The following MBD5 variants were observed in gnomAD, a reference collection of about 807,000 sequenced individuals.
The protein encoded by MBD5 is methyl-CpG-binding domain protein 5.
MBD5 carries 13 observed loss-of-function variants against 117.3 expected under a neutral mutation model. The observed-to-expected ratio is 0.11, with a 90% CI of 0.07 to 0.18. MBD5 has a LOEUF of 0.18. Among genes scored for constraint, MBD5 ranks in the 10% least tolerant of loss-of-function variants. MBD5 has a pLI of 1.00. For missense variants in MBD5, 1,879 were observed against 2,093.8 expected, an observed-to-expected ratio of 0.90 and a Z score of 2.00; for synonymous variants, 727 against 766.4, an observed-to-expected ratio of 0.95 and a Z score of 0.85.
intron 1 of MBD5, among the ~76,000 whole-genome samples, chr2:148,058,861 A>G (rs1426570579): frequency 2.6e-5 from 4 of 152,306 alleles, no homozygotes. Flanking sequence ...CGTATTAAAC[A>G]TGGCATTCCA....
chr2:148,173,258 A>G (rs1193938631), intron 1 of MBD5, among the ~76,000 whole-genome samples: 1 of 151,790 alleles, frequency 6.6e-6, no homozygotes, highest in Non-Finnish European at 1.5e-5. Flanking sequence ...TGGCATCTCC[A>G]AGCTTCCACG....
intron 1 of MBD5, among the ~76,000 whole-genome samples, chr2:148,075,448 GC>G (rs1695485078): frequency 6.6e-6 from 1 of 152,170 alleles, no homozygotes; most frequent in African/African-American, 2.4e-5. Flanking sequence ...AGAAGTCATA[GC>G]ATCAAGTTAT....
chr2:148,382,739 G>A (rs1215324220), intron 4 of MBD5, among the ~76,000 whole-genome samples: 1 of 152,184 alleles, frequency 6.6e-6, no homozygotes, highest in East Asian at 1.9e-4. Context: ...AAAGAACAGA[G>A]ATTATAACAA....
chr2:148,123,133 T>A (rs1022140329), intron 1 of MBD5, among the ~76,000 whole-genome samples: 8 of 152,242 alleles, frequency 5.3e-5, no homozygotes, highest in African/African-American at 1.9e-4. Context: ...TTTAGTCACA[T>A]ATGTGGGCAC....
Position 148,021,238 on chromosome 2 carries a change from C to T in MBD5, c.-1371C>T. On this transcript the variant is annotated 5_prime_UTR_variant, in exon 1 of 14. Coordinates refer to ENST00000642680, the MANE Select transcript of MBD5 (RefSeq NM_001378120.1). ...TGAATTCAGGGGGGTGGGGGGAAGGCGGCTGAGTTCCTTCCCCCACCCTCC... is the reference window on the plus strand; with the variant it reads ...TGAATTCAGGGGGGTGGGGGGAAGGTGGCTGAGTTCCTTCCCCCACCCTCC... 7.6e-6 allele frequency: 2 copies of T among 264,554 alleles called. No homozygotes were observed. The highest frequency in any genetic ancestry group is 3.8e-5 in the South Asian group (1 of 26,282). 16.4% of individuals were successfully genotyped at this position (264,554 alleles called of 1,614,324 possible).
At chr2:148,422,368 A>G (rs900478141) in intron 4 of MBD5, among the ~76,000 whole-genome samples, 1 of 152,204 alleles carries the variant, frequency 6.6e-6, no homozygotes, top group Admixed American at 6.5e-5. Flanking sequence ...AAAACTAACA[A>G]ACAGAAAGGA....
At chr2:148,049,495 G>A (rs1264117599) in intron 1 of MBD5, among the ~76,000 whole-genome samples, 1 of 152,148 alleles carries the variant, frequency 6.6e-6, no homozygotes, top group East Asian at 1.9e-4. Context: ...TGTTTACCTA[G>A]TACTGTAGTA....
chr2:148,417,220 TCAAG>T (rs1375513856), intron 4 of MBD5, among the ~76,000 whole-genome samples: 1 of 151,532 alleles, frequency 6.6e-6, no homozygotes, highest in Non-Finnish European at 1.5e-5. Flanking sequence ...CCTCCCAGGC[TCAAG>T]CAATCCTTTC....
chr2:148,417,288 C>CTTTTTTTTTTTTT (rs745409695), intron 4 of MBD5, among the ~76,000 whole-genome samples: 97 of 91,794 alleles, frequency 1.1e-3, no homozygotes, highest in Non-Finnish European at 1.2e-3. Context: ...ATGCACAGCT[C>CTTTTTTTTTTTTT]TTTTTTTTTT....
intron 2 of MBD5, among the ~76,000 whole-genome samples, chr2:148,222,902 G>T (rs980889762): frequency 6.6e-6 from 1 of 152,052 alleles, no homozygotes; most frequent in African/African-American, 2.4e-5. Flanking sequence ...GATGCTAGCT[G>T]TGAGTCTGTC....
At chr2:148,062,587 G>C (rs1310997408) in intron 1 of MBD5, 2 of 151,528 alleles carry the variant, frequency 1.3e-5, no homozygotes, top group Admixed American at 1.3e-4. Context: ...ATTTTTTTTG[G>C]CATATGTGTG....
chr2:148,217,279 G>T (rs1699581619), intron 2 of MBD5, among the ~76,000 whole-genome samples: 1 of 152,140 alleles, frequency 6.6e-6, no homozygotes, highest in African/African-American at 2.4e-5. Context: ...CTCCACCCCT[G>T]CTCCTCTCAG....
intron 3 of MBD5, among the ~76,000 whole-genome samples, chr2:148,261,316 C>G (rs1381259251): frequency 6.6e-6 from 1 of 152,178 alleles, no homozygotes; most frequent in Non-Finnish European, 1.5e-5. Flanking sequence ...AGATAGATAG[C>G]TGTTTCAACT....
chr2:148,088,171 A>G (rs1695843732), intron 1 of MBD5, among the ~76,000 whole-genome samples: 1 of 152,130 alleles, frequency 6.6e-6, no homozygotes, highest in Non-Finnish European at 1.5e-5. Flanking sequence ...CAAAGAAAAA[A>G]GAATTTAAAG....
intron 4 of MBD5, 41 bp from the exon 5 acceptor site, chr2:148,458,162 A>G (rs1400704572): frequency 2.5e-6 from 1 of 398,062 alleles, no homozygotes; most frequent in Admixed American, 4.4e-5. Context: ...CTCAGTTTTC[A>G]ACATTAAATA....
At chr2:148,294,501 G>GTTT (rs58961481) in intron 3 of MBD5, among the ~76,000 whole-genome samples, 3 of 113,260 alleles carry the variant, frequency 2.6e-5, no homozygotes, top group African/African-American at 1.1e-4. Flanking sequence ...TGGGATTACA[G>GTTT]TTTTTTTTTT....
intron 4 of MBD5, among the ~76,000 whole-genome samples, chr2:148,439,810 T>A (rs540103727): frequency 6.6e-6 from 1 of 151,678 alleles, no homozygotes; most frequent in South Asian, 2.1e-4. Flanking sequence ...ATGATCATAG[T>A]TTATTGCAAC....
intron 1 of MBD5, among the ~76,000 whole-genome samples, chr2:148,166,898 G>T (rs1306662151): frequency 2.0e-5 from 3 of 151,500 alleles, no homozygotes; most frequent in African/African-American, 7.3e-5. Context: ...TGTCAATTAT[G>T]CTGGCTGAAG....
At chr2:148,438,738 G>A (rs1290215206) in intron 4 of MBD5, among the ~76,000 whole-genome samples, 1 of 152,166 alleles carries the variant, frequency 6.6e-6, no homozygotes, top group East Asian at 1.9e-4. Flanking sequence ...AAGTCCTGGA[G>A]TCCAAAGCCC....
Sources: allele counts gnomAD v4.1 joint callset (sites outside exome capture counted in the v4.1 genomes callset), GRCh38; gene constraint gnomAD v4.1.1; transcripts MANE v1.5; gene names NCBI Gene and HGNC (gene_info 2026-07-23, HGNC 2026-07-21).